Variants in ANO6 observed in about 807,000 individuals in gnomAD.
ANO6 encodes the protein anoctamin 6, also known as anoctamin-6.
Under a neutral mutation model 117.5 loss-of-function variants are expected in ANO6, and 106 were observed. The ratio of observed to expected loss-of-function variants is 0.90; its 90% CI spans 0.77 to 1.06. The LOEUF is 1.06. Ranked by LOEUF, ANO6 falls within the 50% of genes least tolerant of loss-of-function variation. ANO6 has a pLI of 0.00. For missense variants in ANO6, 955 were observed against 1,121.1 expected (o/e 0.85, Z 2.12); for synonymous variants, 367 against 385.1 (o/e 0.95, Z 0.55).
At chr12:45,272,800 C>T (rs1423707070) in intron 1 of ANO6, among the ~76,000 whole-genome samples, 1 of 152,176 alleles carries the variant, frequency 6.6e-6, no homozygotes, top group Non-Finnish European at 1.5e-5. Flanking sequence ...AGTCCCACTT[C>T]TGAGTATATA....
At chr12:45,329,805 G>T (rs901522797) in intron 2 of ANO6, among the ~76,000 whole-genome samples, 3 of 151,926 alleles carry the variant, frequency 2.0e-5, no homozygotes, top group Non-Finnish European at 4.4e-5. Flanking sequence ...CAATAGCCCT[G>T]GTTGTCACCC....
At chr12:45,257,759 T>C (rs924412667) in intron 1 of ANO6, among the ~76,000 whole-genome samples, 1 of 152,216 alleles carries the variant, frequency 6.6e-6, no homozygotes, top group Non-Finnish European at 1.5e-5. Context: ...CTTCATACTG[T>C]TGCCAAATTT....
At position 45,429,622 on chromosome 12, in the gene ANO6, T is replaced by C. The variant is rs932075572; in HGVS notation, c.*311T>C. The C allele has an allele frequency of 8.6e-7, 1 of 1,168,696 alleles. No individual in the cohort carries two copies. Among genetic ancestry groups the C allele is most frequent in the African/African-American group, 1.6e-5 (1 of 62,510 alleles). The allele number at this position is 1,168,696 out of a possible 1,614,324, so 72.4% of individuals were successfully genotyped here. A position where few individuals can be genotyped will look rare whatever the true frequency, so the allele number is the denominator to read the frequency against. ...ACCCCTTCTAAAGTAGAATGGATTC[T>C]TTTTTTTCTGTTTGATTATTTTCAT... On this transcript the variant is annotated 3_prime_UTR_variant, in exon 20 of 20. Transcript: ENST00000320560.
chr12:45,409,873 A>G (rs1037189439), intron 16 of ANO6, among the ~76,000 whole-genome samples: 2 of 152,146 alleles, frequency 1.3e-5, no homozygotes, highest in Non-Finnish European at 2.9e-5. Flanking sequence ...CTCCTGCCTC[A>G]GCCTCCTGAG....
At chr12:45,298,218 T>G (rs1364105356) in intron 1 of ANO6, among the ~76,000 whole-genome samples, 1 of 152,196 alleles carries the variant, frequency 6.6e-6, no homozygotes, top group Non-Finnish European at 1.5e-5. Context: ...TTAAATGAAC[T>G]AAACATGATG....
chr12:45,259,711 A>G (rs1207064521), intron 1 of ANO6, among the ~76,000 whole-genome samples: 3 of 152,136 alleles, frequency 2.0e-5, no homozygotes, highest in Non-Finnish European at 2.9e-5. Flanking sequence ...AGTCAAAGCA[A>G]CTCTCCAGGG....
intron 7 of ANO6, among the ~76,000 whole-genome samples, chr12:45,356,365 C>T (rs950848086): frequency 6.6e-6 from 1 of 152,022 alleles, no homozygotes; most frequent in Non-Finnish European, 1.5e-5. Context: ...GCCCCTTGAA[C>T]AACACAGGGG....
intron 1 of ANO6, among the ~76,000 whole-genome samples, chr12:45,277,262 G>A (rs1313941726): frequency 6.6e-6 from 1 of 152,118 alleles, no homozygotes. Context: ...ATATAATATA[G>A]TTTGATTACT....
chr12:45,432,148 G>T lies in ANO6; in HGVS notation c.*2837G>T, dbSNP rs1036567403. 1.5e-5 allele frequency: 15 copies of T among 985,090 alleles called. No homozygotes were observed. In the South Asian group the frequency reaches 3.3e-4, roughly 22 times the overall value. The allele number at this position is 985,090 out of a possible 1,614,324, so 61.0% of individuals were successfully genotyped here. A position where few individuals can be genotyped will look rare whatever the true frequency, so the allele number is the denominator to read the frequency against. Reference sequence around the variant, plus strand: ...TTTATGTTCATATTATGTTTGAGAGGGTAAAAATGTATGAGCAGCTTAACT... The same window carrying T: ...TTTATGTTCATATTATGTTTGAGAGTGTAAAAATGTATGAGCAGCTTAACT... On this transcript the variant is annotated 3_prime_UTR_variant, in exon 20 of 20. Transcript: ENST00000320560.
At chr12:45,380,260 C>T (rs968854667) in intron 10 of ANO6, among the ~76,000 whole-genome samples, 2 of 152,242 alleles carry the variant, frequency 1.3e-5, no homozygotes, top group Non-Finnish European at 2.9e-5. Context: ...GTTCTAAACA[C>T]ATCCTGCCCA....
intron 3 of ANO6, among the ~76,000 whole-genome samples, chr12:45,337,932 G>A (rs1426369639): frequency 6.6e-6 from 1 of 151,262 alleles, no homozygotes; most frequent in Non-Finnish European, 1.5e-5. Flanking sequence ...GGAGGGAAGT[G>A]GAAAAAAAGT....
intron 1 of ANO6, among the ~76,000 whole-genome samples, chr12:45,283,321 A>G (rs1484032656): frequency 6.6e-6 from 1 of 152,210 alleles, no homozygotes; most frequent in East Asian, 1.9e-4. Flanking sequence ...AAGTCACAGT[A>G]AAAAGTGCTG....
At position 45,216,221 on chromosome 12, in the gene ANO6, G is replaced by A; in HGVS notation, c.-101G>A. ...CGGCCCCTGAGCCCAAGCGACACAC[G>A]CCCCGCGGTCCCCGATCCGGCCCCT... On this transcript the variant is annotated 5_prime_UTR_variant, in exon 1 of 20. Transcript: ENST00000320560. 1 of 1,359,450 alleles carries A rather than the reference G, an allele frequency of 7.4e-7. No individual in the cohort carries two copies. The highest frequency in any genetic ancestry group is 1.4e-5 in the African/African-American group (1 of 69,008). 84.2% of individuals were successfully genotyped at this position (1,359,450 alleles called of 1,614,324 possible). A position where few individuals can be genotyped will look rare whatever the true frequency, so the allele number is the denominator to read the frequency against.
intron 1 of ANO6, among the ~76,000 whole-genome samples, chr12:45,255,485 C>G (rs1937777624): frequency 6.6e-6 from 1 of 152,090 alleles, no homozygotes. Context: ...GCGACAGGGA[C>G]TCCATCTCAA....
chr12:45,306,656 G>C (rs889628063), intron 2 of ANO6, among the ~76,000 whole-genome samples: 8 of 151,862 alleles, frequency 5.3e-5, no homozygotes, highest in Admixed American at 4.6e-4. Flanking sequence ...GTGATCCCAA[G>C]GAAGAGTTAA....
At chr12:45,413,881 A>G (rs1170270024) in intron 16 of ANO6, among the ~76,000 whole-genome samples, 1 of 152,112 alleles carries the variant, frequency 6.6e-6, no homozygotes, top group East Asian at 1.9e-4. Context: ...TTGTTTTTCA[A>G]TATATATTTT....
chr12:45,260,541 C>T (rs1467916836), intron 1 of ANO6, among the ~76,000 whole-genome samples: 1 of 152,102 alleles, frequency 6.6e-6, no homozygotes, highest in Non-Finnish European at 1.5e-5. Flanking sequence ...TGCACACCCT[C>T]ATCAGTCAGA....
chr12:45,401,585 T>C (rs1057055470), intron 12 of ANO6, among the ~76,000 whole-genome samples: 5 of 152,244 alleles, frequency 3.3e-5, no homozygotes, highest in South Asian at 2.1e-4. Flanking sequence ...GTTAATGTTT[T>C]ACATATGTGG....
chr12:45,411,028 CAGA>C (rs1337750896), intron 16 of ANO6, among the ~76,000 whole-genome samples: 2 of 152,148 alleles, frequency 1.3e-5, no homozygotes, highest in Non-Finnish European at 2.9e-5. Flanking sequence ...TGCTGATTTT[CAGA>C]AGGACTGTAA....
Sources: allele counts gnomAD v4.1 joint callset (sites outside exome capture counted in the v4.1 genomes callset), GRCh38; gene constraint gnomAD v4.1.1; transcripts MANE v1.5; gene names NCBI Gene and HGNC (gene_info 2026-07-23, HGNC 2026-07-21).